The following QTMAN variants were observed in gnomAD, a reference collection of about 807,000 sequenced individuals.
QTMAN encodes the protein tRNA-queuosine alpha-mannosyltransferase.
the QTMAN span, among the ~76,000 whole-genome samples, chr2:143,982,653 G>A: frequency 2.0e-5 from 3 of 151,480 alleles, no homozygotes; most frequent in Non-Finnish European, 4.4e-5. Context: ...TTGAGGTCAC[G>A]AGTTCGAGAG....
At chr2:144,158,906 CT>C in the QTMAN span, among the ~76,000 whole-genome samples, 1 of 151,946 alleles carries the variant, frequency 6.6e-6, no homozygotes, top group African/African-American at 2.4e-5. Flanking sequence ...AATTTCTGGA[CT>C]TTTTTGAATG....
the QTMAN span, among the ~76,000 whole-genome samples, chr2:144,310,137 T>C: frequency 6.6e-6 from 1 of 152,180 alleles, no homozygotes; most frequent in African/African-American, 2.4e-5. Flanking sequence ...AAGGTCTCAC[T>C]AGAGATGCAA....
chr2:143,953,577 T>C, the QTMAN span, among the ~76,000 whole-genome samples: 1 of 151,878 alleles, frequency 6.6e-6, no homozygotes, highest in African/African-American at 2.4e-5. Flanking sequence ...AGTTTTTCTT[T>C]ACGTCACAGT....
chr2:144,138,263 A>G, the QTMAN span, among the ~76,000 whole-genome samples: 8 of 152,176 alleles, frequency 5.3e-5, no homozygotes, highest in South Asian at 1.7e-3. Flanking sequence ...ATTTAGAGGC[A>G]GTGGTGACCC....
chr2:144,308,654 CT>C, the QTMAN span, among the ~76,000 whole-genome samples: 4 of 152,004 alleles, frequency 2.6e-5, no homozygotes, highest in Non-Finnish European at 5.9e-5. Flanking sequence ...CTTTTACAAC[CT>C]GGTATTAATC....
chr2:144,247,670 C>G, the QTMAN span, among the ~76,000 whole-genome samples: 1 of 152,122 alleles, frequency 6.6e-6, no homozygotes, highest in Admixed American at 6.5e-5. Flanking sequence ...GAAAGGACCA[C>G]AGTATTTTCC....
chr2:144,066,906 C>T, the QTMAN span, among the ~76,000 whole-genome samples: 2 of 152,310 alleles, frequency 1.3e-5, no homozygotes, highest in South Asian at 2.1e-4. Flanking sequence ...CTACCATGGT[C>T]TTCTCTATCC....
At chr2:144,121,170 C>T in the QTMAN span, among the ~76,000 whole-genome samples, 4 of 152,040 alleles carry the variant, frequency 2.6e-5, no homozygotes, top group Non-Finnish European at 5.9e-5. Flanking sequence ...CAGGGGCTTA[C>T]ATACAGAGGG....
At chr2:144,018,793 T>C in the QTMAN span, among the ~76,000 whole-genome samples, 3 of 152,118 alleles carry the variant, frequency 2.0e-5, no homozygotes, top group South Asian at 6.2e-4. Flanking sequence ...TCATGGAACA[T>C]ATAATGTGGT....
chr2:144,301,914 G>A, the QTMAN span, among the ~76,000 whole-genome samples: 2 of 152,220 alleles, frequency 1.3e-5, no homozygotes, highest in Non-Finnish European at 2.9e-5. Context: ...GTAAATGGCA[G>A]TAGGTATAAA....
the QTMAN span, among the ~76,000 whole-genome samples, chr2:144,120,469 A>T: frequency 6.6e-6 from 1 of 152,188 alleles, no homozygotes; most frequent in Non-Finnish European, 1.5e-5. Context: ...TCATCTTTGT[A>T]AGATAACCAG....
At chr2:144,227,348 T>C in the QTMAN span, among the ~76,000 whole-genome samples, 1 of 152,148 alleles carries the variant, frequency 6.6e-6, no homozygotes, top group Admixed American at 6.5e-5. Context: ...CAACAAACAT[T>C]GGTACTAAAC....
At chr2:144,188,857 C>A in the QTMAN span, among the ~76,000 whole-genome samples, 2 of 152,080 alleles carry the variant, frequency 1.3e-5, no homozygotes, top group Non-Finnish European at 2.9e-5. Flanking sequence ...TTAGTGTTTT[C>A]TTTAATTAGC....
chr2:144,228,269 C>T, the QTMAN span, among the ~76,000 whole-genome samples: 1 of 152,124 alleles, frequency 6.6e-6, no homozygotes, highest in Admixed American at 6.6e-5. Flanking sequence ...TTGAGTTAGA[C>T]TCTTTATGGT....
the QTMAN span, among the ~76,000 whole-genome samples, chr2:143,982,445 T>C: frequency 6.7e-6 from 1 of 150,312 alleles, no homozygotes; most frequent in Non-Finnish European, 1.5e-5. Context: ...TTGGCCAGGC[T>C]GGTTTCGAAC....
At chr2:144,034,988 T>C in the QTMAN span, among the ~76,000 whole-genome samples, 1 of 152,212 alleles carries the variant, frequency 6.6e-6, no homozygotes, top group Non-Finnish European at 1.5e-5. Context: ...ACAGATAGCA[T>C]GGCAACTAAT....
At chr2:143,977,000 T>C in the QTMAN span, among the ~76,000 whole-genome samples, 4 of 152,176 alleles carry the variant, frequency 2.6e-5, no homozygotes, top group African/African-American at 9.7e-5. Context: ...TCTTCATCCT[T>C]AAAATGGGGT....
At chr2:144,036,555 G>A in the QTMAN span, among the ~76,000 whole-genome samples, 2,119 of 152,160 alleles carry the variant, frequency 0.014, 48 homozygotes, top group African/African-American at 0.049. Flanking sequence ...CTATCTGTGT[G>A]TCTGTAACAC....
At chr2:144,305,718 A>C in the QTMAN span, among the ~76,000 whole-genome samples, 1 of 152,210 alleles carries the variant, frequency 6.6e-6, no homozygotes, top group African/African-American at 2.4e-5. Context: ...AGTCATCTAG[A>C]TCCATGAACA....
Sources: gnomAD v4.1 joint callset for allele counts (sites outside exome capture counted in the v4.1 genomes callset) on GRCh38, gnomAD v4.1.1 for gene constraint, MANE v1.5 for transcripts, NCBI Gene and HGNC (gene_info 2026-07-23, HGNC 2026-07-21) for gene names.